The following SHCBP1 variants were observed in gnomAD, a reference collection of about 807,000 sequenced individuals.
The protein encoded by SHCBP1 is SHC binding and spindle associated 1.
Under a neutral mutation model 75.1 loss-of-function variants are expected in SHCBP1, and 60 were observed. That is an observed-to-expected ratio of 0.80 (90% CI 0.65 to 0.99). SHCBP1 has a LOEUF of 0.99. Ranked by LOEUF, SHCBP1 falls within the 50% of genes least tolerant of loss-of-function variation. The probability of loss-of-function intolerance (pLI) is 0.00; values close to 1 mark genes in which losing one functional copy is unlikely to be tolerated. For synonymous variants in SHCBP1, 290 were observed against 293.2 expected (o/e 0.99, Z 0.11); for missense variants, 709 against 809.4 (o/e 0.88, Z 1.50).
intron 10 of SHCBP1, among the ~76,000 whole-genome samples, chr16:46,585,797 C>A (rs567234711): frequency 6.6e-6 from 1 of 152,306 alleles, no homozygotes; most frequent in African/African-American, 2.4e-5. Flanking sequence ...CCATTGCCCA[C>A]TGGTAACAAG....
chr16:46,599,626 C>T (rs1258338851), intron 9 of SHCBP1, among the ~76,000 whole-genome samples: 2 of 128,722 alleles, frequency 1.6e-5, no homozygotes, highest in Admixed American at 9.6e-5. Flanking sequence ...AAAATGGTGC[C>T]GACAGACTGG....
At chr16:46,603,467 C>G in intron 8 of SHCBP1, 72 bp downstream of exon 8, 1 of 1,592,970 alleles carries the variant, frequency 6.3e-7, no homozygotes, top group Non-Finnish European at 8.6e-7. Flanking sequence ...GGAGTTTCAA[C>G]AAGATTGGTG....
Position 46,616,001 on chromosome 16 carries a change from C to G in SHCBP1, c.541G>C (p.Val181Leu). The G allele has an allele frequency of 6.2e-7, 1 of 1,614,166 alleles. No individual in the cohort carries two copies. The highest frequency in any genetic ancestry group is 8.5e-7 in the Non-Finnish European group (1 of 1,180,030). ...TCAAACACTCCTGAATCATCAAACA[C>G]CACCCACAGCTCCTGCAGGGGCAAC... The part of the protein sequence containing the change: ...HRLPLQELWV[V>L]FDDSGVFDQT... The change falls in exon 4 of 13, where the codon GTG becomes CTG. Residue 181 changes from valine to leucine, a missense_variant. Coordinates refer to ENST00000303383, the MANE Select transcript of SHCBP1 (RefSeq NM_024745.5). This position sits in a 1 kb window ranked among gnomAD's most constrained non-coding sequence, Gnocchi z 4.4.
intron 5 of SHCBP1, among the ~76,000 whole-genome samples, chr16:46,607,935 G>A (rs1388191537): frequency 1.3e-5 from 2 of 152,044 alleles, no homozygotes; most frequent in Non-Finnish European, 2.9e-5. Context: ...TCAAACAATC[G>A]AATTTAACAA....
chr16:46,596,180 A>C (rs1022074792), intron 9 of SHCBP1, among the ~76,000 whole-genome samples: 1 of 152,116 alleles, frequency 6.6e-6, no homozygotes, highest in African/African-American at 2.4e-5. Flanking sequence ...AAGGGTTAAG[A>C]TTGCTAAGTC....
At chr16:46,608,720 C>T (rs1184141523) in intron 4 of SHCBP1, among the ~76,000 whole-genome samples, 2 of 150,914 alleles carry the variant, frequency 1.3e-5, no homozygotes, top group African/African-American at 4.9e-5. Flanking sequence ...TCTCCTGCCT[C>T]AGCCTCCCGA....
chr16:46,605,107 C>G (rs1965305833), intron 5 of SHCBP1, among the ~76,000 whole-genome samples: 1 of 152,042 alleles, frequency 6.6e-6, no homozygotes, highest in Non-Finnish European at 1.5e-5. Flanking sequence ...AAAAAGGTGC[C>G]ATTACTAATC....
intron 4 of SHCBP1, among the ~76,000 whole-genome samples, chr16:46,613,185 T>C (rs953237789): frequency 1.3e-5 from 2 of 152,048 alleles, no homozygotes; most frequent in African/African-American, 4.8e-5. Context: ...ACTAGCTGGC[T>C]AGTGGTGGCA....
rs757070595 is a variant in SHCBP1 at position 46,583,042 on chromosome 16, CAATAAA to C, written c.1693+468_1693+473del. Among the ~76,000 whole-genome samples the C allele has an allele frequency of 2.9e-4, 44 of 152,212 alleles. 1 individual carries two copies. Among genetic ancestry groups the C allele is most frequent in the East Asian group, 9.7e-4 (5 of 5,176 alleles). On this transcript the variant is annotated intron_variant, in intron 12 of 12. Transcript: ENST00000303383. ...GTGACAGGAAGGCATTTACTTCTACCAATAAAAACAGAGGTAAACTCCACTATCCCC... is the reference window on the plus strand; with the variant it reads ...GTGACAGGAAGGCATTTACTTCTACCAACAGAGGTAAACTCCACTATCCCC...
chr16:46,591,913 C>T (rs1480516697), intron 10 of SHCBP1, among the ~76,000 whole-genome samples: 6 of 151,738 alleles, frequency 4.0e-5, no homozygotes, highest in Admixed American at 1.3e-4. Context: ...CACAAACCAA[C>T]GAATAAAAAT....
chr16:46,602,575 T>C (rs1012707892), intron 8 of SHCBP1, among the ~76,000 whole-genome samples: 4 of 152,328 alleles, frequency 2.6e-5, no homozygotes, highest in East Asian at 1.9e-4. Flanking sequence ...AGATGAACAA[T>C]TGTAAAGTAA....
At chr16:46,599,593 C>T (rs1375275062) in intron 9 of SHCBP1, among the ~76,000 whole-genome samples, 2 of 130,162 alleles carry the variant, frequency 1.5e-5, no homozygotes, top group African/African-American at 5.7e-5. Context: ...CACAGAAACA[C>T]AAGGTGAGCA....
intron 6 of SHCBP1, 25 bp from the exon 7 acceptor site, chr16:46,604,168 C>T: frequency 6.2e-7 from 1 of 1,613,266 alleles, no homozygotes; most frequent in Non-Finnish European, 8.5e-7. Context: ...ACAGGCCTAT[C>T]AGTAAGACAG....
At chr16:46,609,177 T>G (rs1306920858) in intron 4 of SHCBP1, among the ~76,000 whole-genome samples, 1 of 152,080 alleles carries the variant, frequency 6.6e-6, no homozygotes, top group African/African-American at 2.4e-5. Flanking sequence ...TGGAGTTCCC[T>G]GGGACACTTT....
intron 12 of SHCBP1, 98 bp downstream of exon 12, chr16:46,583,418 C>G (rs996920772): frequency 1.0e-4 from 135 of 1,310,296 alleles, no homozygotes; most frequent in Middle Eastern, 2.7e-4. Flanking sequence ...ATCCCAACAA[C>G]CTTTTTTAAG....
Position 46,588,881 on chromosome 16 carries a change from T to C in SHCBP1, c.1465-4792A>G, listed in dbSNP as rs149000683. On this transcript the variant is annotated intron_variant, in intron 10 of 12. Coordinates refer to ENST00000303383, the MANE Select transcript of SHCBP1 (RefSeq NM_024745.5). ...AGAGACACAACAAAAAAAGAGAATT[T>C]AGACCAATATGCCTGATGAACATCG... Among the ~76,000 whole-genome samples the C allele has an allele frequency of 3.5e-3, 540 of 152,272 alleles. 3 individuals are homozygous for C. The highest frequency in any genetic ancestry group is 0.012 in the African/African-American group (489 of 41,554).
At chr16:46,619,115 C>T (rs963698773) in intron 1 of SHCBP1, among the ~76,000 whole-genome samples, 3 of 152,086 alleles carry the variant, frequency 2.0e-5, no homozygotes, top group Non-Finnish European at 4.4e-5. Context: ...ATTTCAATGA[C>T]TGTGTCTAAG....
chr16:46,614,020 G>A (rs2143001847), intron 4 of SHCBP1, among the ~76,000 whole-genome samples: 1 of 152,196 alleles, frequency 6.6e-6, no homozygotes, highest in South Asian at 2.1e-4. Context: ...TTAGCTCCCT[G>A]ATTCCTAATT....
intron 4 of SHCBP1, among the ~76,000 whole-genome samples, chr16:46,612,910 C>G (rs1965442690): frequency 6.6e-6 from 1 of 152,218 alleles, no homozygotes; most frequent in African/African-American, 2.4e-5. Flanking sequence ...CACTCGACCA[C>G]CAAGTCCAGC....
Sources: allele counts gnomAD v4.1 joint callset (sites outside exome capture counted in the v4.1 genomes callset), GRCh38; gene constraint gnomAD v4.1.1; non-coding constraint Gnocchi (gnomAD v3.1); transcripts MANE v1.5; gene names NCBI Gene and HGNC (gene_info 2026-07-23, HGNC 2026-07-21).